Variants in PACS1 observed in about 807,000 individuals in gnomAD.
PACS1 encodes the protein phosphofurin acidic cluster sorting protein 1, also known as PACS-1.
In PACS1, 24 loss-of-function variants were observed where a neutral mutation model predicts 115.0. The ratio of observed to expected loss-of-function variants is 0.21; its 90% confidence interval spans 0.15 to 0.29. The LOEUF (loss-of-function observed/expected upper bound fraction) is 0.29. Ranked by LOEUF, PACS1 falls within the 10% of genes least tolerant of loss-of-function variation. The pLI is 1.00. For synonymous variants in PACS1, 453 were observed against 504.5 expected (o/e 0.90, Z 1.37); for missense variants, 838 against 1,251.2 (o/e 0.67, Z 4.98).
intron 1 of PACS1, among the ~76,000 whole-genome samples, chr11:66,089,056 C>T (rs1488522295): frequency 6.6e-6 from 1 of 152,016 alleles, no homozygotes; most frequent in Non-Finnish European, 1.5e-5. Flanking sequence ...GCTGTAGGCC[C>T]TACAAAACCT....
At chr11:66,104,673 T>C (rs1857994285) in intron 1 of PACS1, among the ~76,000 whole-genome samples, 1 of 152,108 alleles carries the variant, frequency 6.6e-6, no homozygotes, top group African/African-American at 2.4e-5. Context: ...TTGAGTAGAG[T>C]ATATGGATTA....
chr11:66,218,980 G>C lies in PACS1; in HGVS notation c.979-766G>C, dbSNP rs142808636. ...AATAGAGAGATAAGGCTAGAAACAG[G>C]CAGACCCAGGCTTCGGACACGTACA... On this transcript the variant is annotated intron_variant, in intron 7 of 23. Transcript: ENST00000320580. Among the ~76,000 whole-genome samples the C allele has an allele frequency of 1.6e-4, 24 of 152,160 alleles. No homozygotes were observed. The East Asian group carries it at 4.7e-3, about 30-fold the overall frequency.
chr11:66,182,565 T>A (rs1431105164), intron 1 of PACS1, among the ~76,000 whole-genome samples: 2 of 152,132 alleles, frequency 1.3e-5, no homozygotes, highest in African/African-American at 4.8e-5. Context: ...CAGGTTCATG[T>A]GAGCCTCTCA....
chr11:66,119,879 T>TC (rs1858399731), intron 1 of PACS1, among the ~76,000 whole-genome samples: 1 of 152,158 alleles, frequency 6.6e-6, no homozygotes, highest in Non-Finnish European at 1.5e-5. Flanking sequence ...GTTTGGGGAT[T>TC]ACACTAGATC....
intron 7 of PACS1, chr11:66,217,596 A>G (rs1244099835): frequency 6.6e-6 from 3 of 456,230 alleles, no homozygotes; most frequent in African/African-American, 2.0e-5. Flanking sequence ...TCCCATCACA[A>G]TGAGGTGTCA....
intron 1 of PACS1, among the ~76,000 whole-genome samples, chr11:66,113,635 C>G (rs927005865): frequency 5.9e-5 from 9 of 152,200 alleles, no homozygotes; most frequent in African/African-American, 2.2e-4. Flanking sequence ...ATACTTTGAT[C>G]AGACTTCCTC....
In PACS1 at chr11:66,241,077, A is replaced by G. The variant is rs573345; in HGVS notation, c.2430-350A>G. 0.25 allele frequency: 40,746 copies of G among 162,832 alleles called. 5,194 individuals are homozygous for G. The highest frequency in any genetic ancestry group is 0.3 in the African/African-American group (12,674 of 41,744). The allele number at this position is 162,832 out of a possible 1,614,324, so 10.1% of individuals were successfully genotyped here. On this transcript the variant is annotated intron_variant, in intron 21 of 23. Transcript: ENST00000320580. ...CCCAGGCTTTGCCTGCTGGGCGTGT[A>G]TGTGTGTGTGTGTGTGTTATATGTG...
chr11:66,093,222 G>A (rs1030881429), intron 1 of PACS1, among the ~76,000 whole-genome samples: 1 of 152,086 alleles, frequency 6.6e-6, no homozygotes, highest in African/African-American at 2.4e-5. Context: ...TCCTTGAAGA[G>A]GTCCTTCACG....
intron 1 of PACS1, among the ~76,000 whole-genome samples, chr11:66,135,379 C>T (rs1029438499): frequency 5.3e-5 from 8 of 152,164 alleles, no homozygotes; most frequent in Admixed American, 1.3e-4. Context: ...GCCATCTTCA[C>T]GAGCTCTGAG....
chr11:66,201,166 C>T (rs1474636887), intron 2 of PACS1, among the ~76,000 whole-genome samples: 1 of 151,676 alleles, frequency 6.6e-6, no homozygotes, highest in Non-Finnish European at 1.5e-5. Flanking sequence ...TTACAGTGAG[C>T]GGAGATTGCG....
intron 1 of PACS1, among the ~76,000 whole-genome samples, chr11:66,164,252 G>A (rs1012018285): frequency 1.3e-5 from 2 of 152,050 alleles, no homozygotes; most frequent in East Asian, 1.9e-4. Flanking sequence ...TTCCATGTGC[G>A]TTTTTCAGTT....
chr11:66,232,125 C>A, intron 13 of PACS1, 47 bp from the exon 14 acceptor site: 2 of 1,252,876 alleles, frequency 1.6e-6, no homozygotes, highest in Non-Finnish European at 2.3e-6. Flanking sequence ...TGTCCTCAGG[C>A]TCCCCAGGGA....
intron 1 of PACS1, among the ~76,000 whole-genome samples, chr11:66,137,023 C>CCG (rs1554981015): frequency 2.4e-5 from 1 of 41,020 alleles, no homozygotes; most frequent in African/African-American, 8.3e-5. Context: ...TCACAAATTG[C>CCG]CCCCCCCCCC....
chr11:66,195,089 A>G (rs10896095), intron 2 of PACS1, among the ~76,000 whole-genome samples: 36,799 of 151,916 alleles, frequency 0.24, 4,890 homozygotes, highest in East Asian at 0.44. Flanking sequence ...CCAGGCGTGC[A>G]TGTAGTTCCA....
At chr11:66,230,465 A>G in intron 11 of PACS1, 83 bp from the exon 12 acceptor site, 2 of 882,094 alleles carry the variant, frequency 2.3e-6, no homozygotes, top group Non-Finnish European at 3.8e-6. Flanking sequence ...CAGGATGGTG[A>G]TGGGGCCTGG....
intron 1 of PACS1, among the ~76,000 whole-genome samples, chr11:66,123,507 A>G (rs1259815770): frequency 1.3e-5 from 2 of 148,780 alleles, no homozygotes; most frequent in Non-Finnish European, 3.0e-5. Context: ...AGCCATTTTT[A>G]TTTTTTTATT....
chr11:66,180,705 C>A (rs1291479364), intron 1 of PACS1, among the ~76,000 whole-genome samples: 1 of 152,126 alleles, frequency 6.6e-6, no homozygotes, highest in African/African-American at 2.4e-5. Flanking sequence ...CTCAACCAGG[C>A]TGGATTGCAG....
At chr11:66,083,983 C>T (rs936589112) in intron 1 of PACS1, 1 of 152,228 alleles carries the variant, frequency 6.6e-6, no homozygotes, top group Non-Finnish European at 1.5e-5. Context: ...AGACCAGTCA[C>T]TGCTTGGATA....
intron 1 of PACS1, among the ~76,000 whole-genome samples, chr11:66,091,494 G>T: frequency 6.7e-6 from 1 of 148,608 alleles, no homozygotes. Context: ...TCTCATTGTT[G>T]TTGTTGTTGT....
Sources: gnomAD v4.1 joint callset for allele counts (sites outside exome capture counted in the v4.1 genomes callset) on GRCh38, gnomAD v4.1.1 for gene constraint, MANE v1.5 for transcripts, NCBI Gene and HGNC (gene_info 2026-07-23, HGNC 2026-07-21) for gene names.